MAST2: variants seen among roughly 807,000 people sequenced by gnomAD.
MAST2 encodes the protein microtubule associated serine/threonine kinase 2, also known as microtubule-associated serine/threonine-protein kinase 2.
MAST2 carries 70 observed loss-of-function variants against 147.4 expected under a neutral mutation model. That is an observed-to-expected ratio of 0.47 (90% CI 0.39 to 0.58). The LOEUF (loss-of-function observed/expected upper bound fraction) is 0.58. Among genes scored for constraint, MAST2 ranks in the 20% least tolerant of loss-of-function variants. The pLI is 0.00. For synonymous variants in MAST2, 869 were observed against 896.8 expected, an observed-to-expected ratio of 0.97 and a Z score of 0.55; for missense variants, 2,080 against 2,302.3, an observed-to-expected ratio of 0.90 and a Z score of 1.98.
intron 5 of MAST2, among the ~76,000 whole-genome samples, chr1:45,987,777 A>ATTTTTTTTTTTTTTTTTTTTTTTTTG: frequency 5.5e-4 from 12 of 21,800 alleles, no homozygotes; most frequent in African/African-American, 1.1e-3. Flanking sequence ...TTTTTTTTTG[A>ATTTTTTTTTTTTTTTTTTTTTTTTTG]TTTTTTTTTT....
chr1:45,941,727 TACAA>T, intron 4 of MAST2, among the ~76,000 whole-genome samples: 1 of 152,372 alleles, frequency 6.6e-6, no homozygotes, highest in Middle Eastern at 3.4e-3. Flanking sequence ...GAACCTCTAG[TACAA>T]TGTTGAATAG....
intron 4 of MAST2, among the ~76,000 whole-genome samples, chr1:45,882,760 A>G (rs754690245): frequency 2.0e-5 from 3 of 152,208 alleles, no homozygotes; most frequent in Non-Finnish European, 2.9e-5. Flanking sequence ...ATTTACATCT[A>G]TCCGGTAACA....
chr1:45,878,360 C>T (rs1646698254), intron 3 of MAST2, among the ~76,000 whole-genome samples: 1 of 152,024 alleles, frequency 6.6e-6, no homozygotes, highest in Non-Finnish European at 1.5e-5. Context: ...AATCCATGCC[C>T]ATTTGTGAGA....
Position 46,035,247 on chromosome 1 carries a change from C to G in MAST2, c.4578C>G (p.His1526Gln). Residue 1526 changes from histidine to glutamine, a missense_variant, in exon 29 of 29, where the codon CAC (histidine) becomes CAG (glutamine). His to Gln is a conservative substitution (Grantham distance 24, BLOSUM62 0). Around this residue, in one of 4 missense-constraint regions of MAST2, gnomAD observed 1,278 missense variants for 1,304.2 expected, o/e 0.98. Transcript: ENST00000361297. This position sits in a 1 kb window ranked among gnomAD's most constrained non-coding sequence, Gnocchi z 5.5. ...CACAGGAGCTGAGCTTGGCACCTCA[C>G]CCAGAAGTGAGCCAGAGTGTGGCCC... ...QGAQELSLAP[H>Q]PEVSQSVAPK... is the part of the protein sequence containing the mutation. The G allele has an allele frequency of 1.2e-6, 2 of 1,613,972 alleles. No homozygotes were observed. The highest frequency in any genetic ancestry group is 1.7e-6 in the Non-Finnish European group (2 of 1,180,010).
intron 4 of MAST2, among the ~76,000 whole-genome samples, chr1:45,943,476 A>G (rs1247729973): frequency 6.6e-6 from 1 of 152,236 alleles, no homozygotes; most frequent in Non-Finnish European, 1.5e-5. Flanking sequence ...TTTAGGGTTG[A>G]GGGAACAAGT....
At chr1:45,905,775 C>CAA (rs11453789) in intron 4 of MAST2, among the ~76,000 whole-genome samples, 205 of 140,194 alleles carry the variant, frequency 1.5e-3, no homozygotes, top group African/African-American at 3.5e-3. Context: ...GACTCTGTCT[C>CAA]AAAAAAAAAA....
intron 5 of MAST2, among the ~76,000 whole-genome samples, chr1:45,967,874 T>G (rs1661466053): frequency 6.6e-6 from 1 of 152,238 alleles, no homozygotes; most frequent in African/African-American, 2.4e-5. Context: ...TTCAGTACCT[T>G]GTAATTTTGC....
At chr1:45,825,022 T>C (rs1644747876) in intron 2 of MAST2, among the ~76,000 whole-genome samples, 1 of 152,214 alleles carries the variant, frequency 6.6e-6, no homozygotes, top group South Asian at 2.1e-4. Context: ...TGTGGCATAA[T>C]TCTTTTCTTT....
intron 4 of MAST2, among the ~76,000 whole-genome samples, chr1:45,940,606 A>G (rs1260598545): frequency 6.6e-6 from 1 of 151,558 alleles, no homozygotes; most frequent in East Asian, 1.9e-4. Context: ...CTACAGAGCA[A>G]AGAGAAGGTT....
chr1:45,829,703 T>C, intron 3 of MAST2, 122 bp downstream of exon 3: 1 of 1,022,688 alleles, frequency 9.8e-7, no homozygotes, highest in Non-Finnish European at 1.4e-6. Flanking sequence ...AAATGAAGTA[T>C]GGAAGAGAAT....
chr1:45,975,586 C>T (rs1403503632), intron 5 of MAST2, among the ~76,000 whole-genome samples: 2 of 146,658 alleles, frequency 1.4e-5, no homozygotes, highest in African/African-American at 5.0e-5. Context: ...GAGGGAGGAT[C>T]GCTTGAGTAC....
At chr1:45,852,111 A>G (rs1645640014) in intron 3 of MAST2, among the ~76,000 whole-genome samples, 1 of 152,124 alleles carries the variant, frequency 6.6e-6, no homozygotes, top group Non-Finnish European at 1.5e-5. Context: ...CATTTGTACA[A>G]TATCATTAAC....
intron 3 of MAST2, among the ~76,000 whole-genome samples, chr1:45,857,286 T>C (rs1302299490): frequency 6.6e-6 from 1 of 152,174 alleles, no homozygotes; most frequent in South Asian, 2.1e-4. Context: ...ATTTCTAGGA[T>C]ATTGGAATGA....
Position 46,034,668 on chromosome 1 carries a change from A to G in MAST2, c.3999A>G (p.Pro1333=). The G allele has an allele frequency of 6.2e-7, 1 of 1,613,782 alleles. No homozygotes were observed. Among genetic ancestry groups the G allele is most frequent in the East Asian group, 2.2e-5 (1 of 44,860 alleles). The change falls in exon 29 of 29, where the codon CCA becomes CCG. Residue 1333 remains proline, a synonymous_variant. Coordinates refer to ENST00000361297, the MANE Select transcript of MAST2 (RefSeq NM_015112.3). The stretch of plus-strand genomic sequence containing the variant: ...AGCTCCAACGCCAGTACCGCTCTCC[A>G]CGGCGCAAGTCAGCAGGCAGCATCC... ...APKLQRQYRS[P]RRKSAGSIPL...
chr1:45,947,319 A>AAC (rs1553241504), intron 4 of MAST2, among the ~76,000 whole-genome samples: 92 of 144,866 alleles, frequency 6.4e-4, no homozygotes, highest in South Asian at 3.7e-3. Context: ...AAAAAAAAAA[A>AAC]AAAAAAAAAA....
intron 4 of MAST2, among the ~76,000 whole-genome samples, chr1:45,949,955 T>C (rs980623264): frequency 6.6e-6 from 1 of 152,090 alleles, no homozygotes; most frequent in East Asian, 1.9e-4. Context: ...CTAAGTAAAC[T>C]AACCCAGGAA....
At chr1:45,921,023 T>C (rs1028605701) in intron 4 of MAST2, among the ~76,000 whole-genome samples, 4 of 152,118 alleles carry the variant, frequency 2.6e-5, no homozygotes, top group African/African-American at 9.7e-5. Context: ...TGAGACGGAG[T>C]CTCACTCTGT....
At chr1:45,859,023 T>G (rs1022155105) in intron 3 of MAST2, among the ~76,000 whole-genome samples, 2 of 152,216 alleles carry the variant, frequency 1.3e-5, no homozygotes, top group African/African-American at 4.8e-5. Flanking sequence ...CCTTGTAGTA[T>G]AGTTTGAAGT....
In MAST2 at chr1:45,999,389, C is replaced by T. The variant is rs1222456081; in HGVS notation, c.668+1590C>T. Reference sequence around the variant, plus strand: ...CCAACCCAGCTGGAAAGACTTATCCCAGACTTCTTGCCTGGACTATATATA... The same window carrying T: ...CCAACCCAGCTGGAAAGACTTATCCTAGACTTCTTGCCTGGACTATATATA... On this transcript the variant is annotated intron_variant, in intron 6 of 28. Coordinates refer to ENST00000361297, the MANE Select transcript of MAST2 (RefSeq NM_015112.3). Among the ~76,000 whole-genome samples the T allele has an allele frequency of 2.6e-5, 4 of 152,150 alleles. No individual in the cohort carries two copies. The East Asian group carries it at 7.7e-4, about 29-fold the overall frequency.
Sources: allele counts gnomAD v4.1 joint callset (sites outside exome capture counted in the v4.1 genomes callset), GRCh38; gene constraint gnomAD v4.1.1; regional missense constraint gnomAD v4.1.1; non-coding constraint Gnocchi (gnomAD v3.1); transcripts MANE v1.5; gene names NCBI Gene and HGNC (gene_info 2026-07-23, HGNC 2026-07-21).